Variants in ZNF638 observed in about 807,000 individuals in gnomAD.
The protein encoded by ZNF638 is zinc finger protein 638.
In ZNF638, 46 loss-of-function variants were observed where a neutral mutation model predicts 195.6. That is an observed-to-expected ratio of 0.24 (90% CI 0.19 to 0.30). The LOEUF is 0.30. Among genes scored for constraint, ZNF638 ranks in the 10% least tolerant of loss-of-function variants. ZNF638 has a pLI of 1.00. For missense variants in ZNF638, 2,440 were observed against 2,325.3 expected, an observed-to-expected ratio of 1.05 and a Z score of -1.01; for synonymous variants, 845 against 772.0, an observed-to-expected ratio of 1.09 and a Z score of -1.57.
At chr2:71,353,914 T>G (rs1017830604) in intron 2 of ZNF638, among the ~76,000 whole-genome samples, 1 of 152,234 alleles carries the variant, frequency 6.6e-6, no homozygotes, top group Non-Finnish European at 1.5e-5. Context: ...TACTAGAGAC[T>G]CTTCTTCTAG....
intron 19 of ZNF638, among the ~76,000 whole-genome samples, 161 bp downstream of exon 19, chr2:71,406,423 GAGAA>G (rs1241985428): frequency 2.0e-5 from 3 of 152,076 alleles, no homozygotes; most frequent in African/African-American, 7.2e-5. Context: ...GGACTGGGCC[GAGAA>G]AGAAGAGATG....
chr2:71,405,919 G>A lies in ZNF638; in HGVS notation c.3001-209G>A, dbSNP rs567256834. On this transcript the variant is annotated intron_variant, in intron 18 of 27. Transcript: ENST00000264447. ...TTGGGTAAACGTTATGTTGATAGTA[G>A]AAATATTATACTTCCCATTTTAGTA... Among the ~76,000 whole-genome samples, 21 of 152,226 alleles carry A rather than the reference G, an allele frequency of 1.4e-4. 1 individual carries two copies. Among genetic ancestry groups the A allele is most frequent in the African/African-American group, 4.8e-4 (20 of 41,542 alleles).
chr2:71,382,981 GTA>G (rs2079560681), intron 10 of ZNF638, among the ~76,000 whole-genome samples: 1 of 152,160 alleles, frequency 6.6e-6, no homozygotes, highest in Non-Finnish European at 1.5e-5. Flanking sequence ...TGGGCACATA[GTA>G]TATTTATGTT....
chr2:71,369,321 T>C (rs1244028351), intron 7 of ZNF638, among the ~76,000 whole-genome samples: 2 of 53,928 alleles, frequency 3.7e-5, no homozygotes, highest in South Asian at 6.6e-4. Flanking sequence ...AGGCTCCGTC[T>C]CAAAAAAAAA....
chr2:71,337,276 T>C (rs2078686610), intron 1 of ZNF638, among the ~76,000 whole-genome samples: 1 of 152,172 alleles, frequency 6.6e-6, no homozygotes, highest in African/African-American at 2.4e-5. Context: ...CCTGCATATA[T>C]GGTTTTTTCC....
chr2:71,434,777 G>GA lies in ZNF638; in HGVS notation c.5909dup (p.Asn1970LysfsTer2). 1 of 1,611,392 alleles carries GA rather than the reference G, an allele frequency of 6.2e-7. No homozygotes were observed. The highest frequency in any genetic ancestry group is 8.5e-7 in the Non-Finnish European group (1 of 1,179,240). ...CCAAGCAAAGAAAGGAAAAGGAGCA[G>GA]AATGAGGCTGAAGAAAGAAGCTCTA... On this transcript the variant is annotated frameshift_variant, in exon 28 of 28. Transcript: ENST00000264447. LOFTEE classifies it high-confidence loss of function.
At chr2:71,424,784 C>T in intron 23 of ZNF638, 69 bp downstream of exon 23, 2 of 1,271,042 alleles carry the variant, frequency 1.6e-6, no homozygotes, top group Non-Finnish European at 1.1e-6. Flanking sequence ...TATCTTATAA[C>T]TTGTGCCTGC....
chr2:71,393,639 C>G, intron 10 of ZNF638: 2 of 717,944 alleles, frequency 2.8e-6, no homozygotes, highest in Non-Finnish European at 5.2e-6. Flanking sequence ...TTGCTCTGCT[C>G]TCTGGTGTAA....
intron 20 of ZNF638, among the ~76,000 whole-genome samples, chr2:71,409,557 C>T (rs2080170648): frequency 6.6e-6 from 1 of 152,154 alleles, no homozygotes; most frequent in Non-Finnish European, 1.5e-5. Flanking sequence ...CCTCTACACT[C>T]ACAGGTGAGT....
At position 71,380,202 on chromosome 2, in the gene ZNF638, A is replaced by G. The variant is rs780960590; in HGVS notation, c.2266-20A>G. 4 of 1,479,428 alleles carry G rather than the reference A, an allele frequency of 2.7e-6. No individual in the cohort carries two copies. In the Admixed American group the frequency reaches 1.0e-4, roughly 37 times the overall value. 91.6% of individuals were successfully genotyped at this position (1,479,428 alleles called of 1,614,324 possible). On this transcript the variant is annotated intron_variant, in intron 8 of 27. Coordinates refer to ENST00000264447, the MANE Select transcript of ZNF638 (RefSeq NM_014497.5). ...GCTTTATACTAAATTTCTTTTGTTC[A>G]AAATATTTTTCCTACGTAGAACAAA...
In ZNF638 at chr2:71,423,384, G is replaced by A. The variant is rs754763873; in HGVS notation, c.3870G>A (p.Gly1290=). 3 of 1,613,742 alleles carry A rather than the reference G, an allele frequency of 1.9e-6. No homozygotes were observed. Among genetic ancestry groups the A allele is most frequent in the Admixed American group, 1.7e-5 (1 of 59,974 alleles). Residue 1290 remains glycine (G), a synonymous_variant, in exon 22 of 28, where the codon GGG becomes GGA. Transcript: ENST00000264447. The part of the protein sequence containing the change: ...IVTLVPGIPT[G]DEKTVDKKNI... ...CGTTAGTACCAGGAATTCCCACTGG[G>A]GATGAGAAGACAGTGGACAAAAAGA...
At chr2:71,395,432 G>A (rs1291217354) in intron 10 of ZNF638, 2 of 637,456 alleles carry the variant, frequency 3.1e-6, no homozygotes, top group Non-Finnish European at 5.8e-6. Flanking sequence ...AGGAGGTTTT[G>A]CAAAGCTTCG....
chr2:71,389,651 C>T (rs2079728570), intron 10 of ZNF638, among the ~76,000 whole-genome samples: 1 of 152,194 alleles, frequency 6.6e-6, no homozygotes, highest in East Asian at 1.9e-4. Context: ...GCACAAGTGT[C>T]TTTGTGTGCT....
In ZNF638 at chr2:71,380,248, A is replaced by G. The variant is rs772179363; in HGVS notation, c.2292A>G (p.Leu764=). Residue 764 remains leucine, a synonymous_variant, in exon 9 of 28, where the codon TTA becomes TTG. Coordinates refer to ENST00000264447, the MANE Select transcript of ZNF638 (RefSeq NM_014497.5). ...ACAAAGAGGTGAAGAAAAAGACTTT[A>G]GAGTCAAAGAAAGTATCTGCATCTA... The part of the protein sequence containing the change: ...AQNKEVKKKT[L]ESKKVSASTL... 1.3e-6 allele frequency: 2 copies of G among 1,568,490 alleles called. No individual in the cohort carries two copies. Among genetic ancestry groups the G allele is most frequent in the East Asian group, 2.3e-5 (1 of 43,456 alleles).
At chr2:71,434,055 A>T (rs2080718797) in intron 27 of ZNF638, among the ~76,000 whole-genome samples, 1 of 152,176 alleles carries the variant, frequency 6.6e-6, no homozygotes, top group African/African-American at 2.4e-5. Flanking sequence ...TTAGTTCATC[A>T]TGTCACTTTT....
intron 8 of ZNF638, among the ~76,000 whole-genome samples, chr2:71,376,718 A>C (rs367670981): frequency 6.3e-4 from 1 of 1,586 alleles, no homozygotes; most frequent in Non-Finnish European, 1.7e-3. Flanking sequence ...CAGAAAAGGT[A>C]AAAAAAATCC....
At chr2:71,418,727 AG>A (rs1241104573) in intron 21 of ZNF638, 88 bp downstream of exon 21, 3 of 637,532 alleles carry the variant, frequency 4.7e-6, no homozygotes, top group Admixed American at 6.9e-5. Context: ...GCTCACATGT[AG>A]TGAAAAGTTC....
intron 8 of ZNF638, among the ~76,000 whole-genome samples, chr2:71,377,603 T>C (rs1481357092): frequency 1.3e-5 from 2 of 152,250 alleles, no homozygotes; most frequent in Admixed American, 6.5e-5. Flanking sequence ...GCATCTGTTA[T>C]GCCTCTGTTG....
At chr2:71,392,174 T>C (rs1362901879) in intron 10 of ZNF638, among the ~76,000 whole-genome samples, 1 of 152,226 alleles carries the variant, frequency 6.6e-6, no homozygotes, top group African/African-American at 2.4e-5. Flanking sequence ...TAGCACTCTT[T>C]GATTATGCAG....
Sources: allele counts gnomAD v4.1 joint callset (sites outside exome capture counted in the v4.1 genomes callset), GRCh38; gene constraint gnomAD v4.1.1; transcripts MANE v1.5; gene names NCBI Gene and HGNC (gene_info 2026-07-23, HGNC 2026-07-21).